The following JARID2 variants were observed in gnomAD, a reference collection of about 807,000 sequenced individuals.
JARID2 encodes the protein jumonji and AT-rich interaction domain containing 2, also known as protein Jumonji.
JARID2 carries 21 observed loss-of-function variants against 125.6 expected under a neutral mutation model. The ratio of observed to expected loss-of-function variants is 0.17; its 90% CI spans 0.12 to 0.24. The LOEUF is 0.24. Among genes scored for constraint, JARID2 ranks in the 10% least tolerant of loss-of-function variants. The probability of loss-of-function intolerance (pLI) is 1.00; values close to 1 mark genes in which losing one functional copy is unlikely to be tolerated. For synonymous variants in JARID2, 736 were observed against 661.6 expected, an observed-to-expected ratio of 1.11 and a Z score of -1.73; for missense variants, 1,303 against 1,639.6, an observed-to-expected ratio of 0.79 and a Z score of 3.55.
At chr6:15,509,121 T>A in intron 12 of JARID2, 2 of 1,288,998 alleles carry the variant, frequency 1.6e-6, no homozygotes, top group Non-Finnish European at 1.0e-6. Context: ...GTAATCTGAC[T>A]CTCACTGTAG....
At chr6:15,343,398 A>G (rs1763138337) in intron 1 of JARID2, among the ~76,000 whole-genome samples, 1 of 152,104 alleles carries the variant, frequency 6.6e-6, no homozygotes, top group Non-Finnish European at 1.5e-5. Flanking sequence ...TTCTCTTCAA[A>G]TGTAACCAAA....
chr6:15,265,597 C>G (rs1056421088), intron 1 of JARID2, among the ~76,000 whole-genome samples: 2 of 151,966 alleles, frequency 1.3e-5, no homozygotes, highest in Non-Finnish European at 2.9e-5. Flanking sequence ...GAAGTTAAGG[C>G]TACTTCTTGG....
chr6:15,400,309 A>AG (rs1199633805), intron 2 of JARID2, among the ~76,000 whole-genome samples: 2 of 152,124 alleles, frequency 1.3e-5, no homozygotes, highest in East Asian at 3.9e-4. Context: ...GGCGGGCTGG[A>AG]GGAGGAGCAT....
intron 1 of JARID2, among the ~76,000 whole-genome samples, chr6:15,302,439 A>G (rs1349037934): frequency 6.6e-6 from 1 of 151,840 alleles, no homozygotes; most frequent in East Asian, 1.9e-4. Context: ...AGTAAGGAAG[A>G]GAAAGCTTTC....
At chr6:15,467,242 G>T (rs563457813) in intron 4 of JARID2, among the ~76,000 whole-genome samples, 1 of 152,310 alleles carries the variant, frequency 6.6e-6, no homozygotes, top group African/African-American at 2.4e-5. Flanking sequence ...AAGCTGGACA[G>T]AAATGGTTTT....
chr6:15,508,799 T>C (rs772035632), intron 12 of JARID2, among the ~76,000 whole-genome samples: 12 of 152,250 alleles, frequency 7.9e-5, no homozygotes, highest in Non-Finnish European at 1.8e-4. Flanking sequence ...TGTTTTGTTA[T>C]GGATTAGTCA....
chr6:15,410,453 C>A (rs2127568854), intron 3 of JARID2, 88 bp downstream of exon 3: 1 of 1,307,264 alleles, frequency 7.6e-7, no homozygotes, highest in East Asian at 2.3e-5. Context: ...AACGTGAGCC[C>A]ATTCACCCAA....
rs115295976 is a variant in JARID2 at position 15,511,514 on chromosome 6, T to A, written c.2952+113T>A. On this transcript the variant is annotated intron_variant, in intron 13 of 17. Coordinates refer to ENST00000341776, the MANE Select transcript of JARID2 (RefSeq NM_004973.4). ...GGCAATGAGGACACAGCAAAACAAATCCCCAGGGTGCAAAGGGAAAGGTCC... is the reference window on the plus strand; with the variant it reads ...GGCAATGAGGACACAGCAAAACAAAACCCCAGGGTGCAAAGGGAAAGGTCC... The A allele has an allele frequency of 2.1e-3, 1,548 of 721,082 alleles. 10 individuals are homozygous for A. The highest frequency in any genetic ancestry group is 0.012 in the Middle Eastern group (32 of 2,676). The allele number at this position is 721,082 out of a possible 1,614,324, so 44.7% of individuals were successfully genotyped here.
intron 7 of JARID2, among the ~76,000 whole-genome samples, chr6:15,499,391 G>A (rs1770619491): frequency 6.6e-6 from 1 of 152,226 alleles, no homozygotes; most frequent in African/African-American, 2.4e-5. Flanking sequence ...GATCGCAGCG[G>A]ATGAGGATTC....
chr6:15,479,569 A>T (rs181454395), intron 5 of JARID2, among the ~76,000 whole-genome samples: 98 of 152,366 alleles, frequency 6.4e-4, no homozygotes, highest in African/African-American at 2.3e-3. Flanking sequence ...GGCTTTAAAC[A>T]TTCTATTTCC....
At chr6:15,511,154 G>A (rs1232917442) in intron 12 of JARID2, 142 bp from the exon 13 acceptor site, 6 of 671,804 alleles carry the variant, frequency 8.9e-6, no homozygotes, top group Non-Finnish European at 1.3e-5. Context: ...CAGGCACCCA[G>A]CCAGGCCAGT....
chr6:15,374,647 C>T (rs538055829), intron 2 of JARID2, among the ~76,000 whole-genome samples: 1 of 152,324 alleles, frequency 6.6e-6, no homozygotes, highest in African/African-American at 2.4e-5. Context: ...TGCTCTCTGG[C>T]TCAGCGGCTT....
chr6:15,407,361 T>G (rs1257471930), intron 2 of JARID2, among the ~76,000 whole-genome samples: 2 of 152,164 alleles, frequency 1.3e-5, no homozygotes, highest in Non-Finnish European at 2.9e-5. Flanking sequence ...GGGGGGTGAT[T>G]CGCATGCATG....
chr6:15,500,890 C>T lies in JARID2; in HGVS notation c.1946-17C>T, dbSNP rs1438447573. The T allele has an allele frequency of 6.4e-7, 1 of 1,563,716 alleles. No individual in the cohort carries two copies. The highest frequency in any genetic ancestry group is 1.9e-5 in the Admixed American group (1 of 51,892). On this transcript the variant is annotated splice_polypyrimidine_tract_variant and intron_variant, in intron 7 of 17. Transcript: ENST00000341776. ...CTTTCACTAACTGTCCCGTTTTTTTCCCCTTCGCTGTCCCAGGGGGCTGTG... is the reference window on the plus strand; with the variant it reads ...CTTTCACTAACTGTCCCGTTTTTTTTCCCTTCGCTGTCCCAGGGGGCTGTG...
In JARID2 at chr6:15,341,565, C is replaced by T. The variant is rs1029905444; in HGVS notation, c.46-32552C>T. 1.3e-4 allele frequency among the ~76,000 whole-genome samples: 20 copies of T among 152,136 alleles called. No individual in the cohort carries two copies. The East Asian group carries it at 2.1e-3, about 16-fold the overall frequency. On this transcript the variant is annotated intron_variant, in intron 1 of 17. Transcript: ENST00000341776. ...GCTTCCCACACTTCATTGACTGGAC[C>T]TTCTGTTTTGTCATCAGAATAATTT...
At chr6:15,447,467 C>T (rs529042557) in intron 3 of JARID2, among the ~76,000 whole-genome samples, 2 of 152,310 alleles carry the variant, frequency 1.3e-5, no homozygotes, top group Admixed American at 1.3e-4. Context: ...GGCTGTGTTA[C>T]CCAGGGCAGG....
At chr6:15,401,204 CTTAATA>C (rs1043143474) in intron 2 of JARID2, among the ~76,000 whole-genome samples, 6 of 151,702 alleles carry the variant, frequency 4.0e-5, no homozygotes, top group Non-Finnish European at 7.4e-5. Flanking sequence ...TTGCAATTTG[CTTAATA>C]TTAATATTCT....
chr6:15,283,013 C>G (rs748234404), intron 1 of JARID2, among the ~76,000 whole-genome samples: 7 of 151,788 alleles, frequency 4.6e-5, no homozygotes, highest in Non-Finnish European at 8.8e-5. Context: ...GAGTCTCACT[C>G]TGTTGCCCAG....
chr6:15,469,268 GTCTC>G (rs1219826733), intron 5 of JARID2, among the ~76,000 whole-genome samples: 2 of 110,684 alleles, frequency 1.8e-5, no homozygotes, highest in Non-Finnish European at 3.8e-5. Context: ...TTTTCTCTCT[GTCTC>G]TCTGTCTCTC....
Sources: gnomAD v4.1 joint callset for allele counts (sites outside exome capture counted in the v4.1 genomes callset) on GRCh38, gnomAD v4.1.1 for gene constraint, MANE v1.5 for transcripts, NCBI Gene and HGNC (gene_info 2026-07-23, HGNC 2026-07-21) for gene names.